The following CREBBP variants were observed in gnomAD, a reference collection of about 807,000 sequenced individuals.
The protein encoded by CREBBP is CREB binding lysine acetyltransferase, also known as CREB-binding protein.
In CREBBP, 19 loss-of-function variants were observed where a neutral mutation model predicts 265.0. That is an observed-to-expected ratio of 0.07 (90% CI 0.05 to 0.11). The LOEUF is 0.11. Among genes scored for constraint, CREBBP ranks in the 10% least tolerant of loss-of-function variants. The pLI is 1.00. For missense variants in CREBBP, 2,525 were observed against 3,219.0 expected (o/e 0.78, Z 5.22); for synonymous variants, 1,457 against 1,223.7 (o/e 1.19, Z -3.98).
At chr16:3,861,278 A>T (rs1458796887) in intron 1 of CREBBP, among the ~76,000 whole-genome samples, 1 of 152,220 alleles carries the variant, frequency 6.6e-6, no homozygotes, top group Non-Finnish European at 1.5e-5. Flanking sequence ...CCAAAAAAAT[A>T]AATAAATAAA....
intron 17 of CREBBP, among the ~76,000 whole-genome samples, 179 bp downstream of exon 17, chr16:3,758,675 G>A (rs1384327516): frequency 6.6e-6 from 1 of 152,150 alleles, no homozygotes; most frequent in Non-Finnish European, 1.5e-5. Context: ...TTCATGAACA[G>A]GTGAAATCAA....
At chr16:3,776,446 T>C (rs369894261) in intron 11 of CREBBP, among the ~76,000 whole-genome samples, 1 of 152,152 alleles carries the variant, frequency 6.6e-6, no homozygotes, top group Non-Finnish European at 1.5e-5. Context: ...TTCAAGGTTG[T>C]TGAGACAGCT....
chr16:3,772,294 A>T (rs888689065), intron 13 of CREBBP, among the ~76,000 whole-genome samples: 1 of 147,120 alleles, frequency 6.8e-6, no homozygotes, highest in African/African-American at 2.6e-5. Context: ...CTTAACAATT[A>T]AAAATTTAAA....
In CREBBP at chr16:3,728,064, G is replaced by C. The variant is rs1567259787; in HGVS notation, c.6983C>G (p.Ser2328Trp). Residue 2328 changes from serine (S) to tryptophan (W), a missense_variant, in exon 31 of 31, where the codon TCG (serine) becomes TGG (tryptophan). Physicochemically the swap from Ser to Trp is radical, Grantham distance 177. This residue lies in a region of CREBBP where 473 missense variants were observed against 459.3 expected (regional missense o/e 1.03). Transcript: ENST00000262367. The surrounding 1 kb of genome is among the most constrained non-coding windows in gnomAD (Gnocchi z 8.7). ...GGCGATCTGCTGGCCAGGGAGATGC[G>C]AGGCCTGTGGCTGTCCTGAGAGCAT... is the stretch of plus-strand genomic sequence containing the variant. ...QHMLSGQPQA[S>W]HLPGQQIATS... The C allele has an allele frequency of 6.2e-7, 1 of 1,613,808 alleles. No homozygotes were observed. Among genetic ancestry groups the C allele is most frequent in the Non-Finnish European group, 8.5e-7 (1 of 1,179,734 alleles).
intron 18 of CREBBP, among the ~76,000 whole-genome samples, chr16:3,757,608 T>C (rs1473889089): frequency 6.6e-6 from 1 of 152,118 alleles, no homozygotes; most frequent in Non-Finnish European, 1.5e-5. Context: ...CCAGAAACGC[T>C]TCCCCATGGC....
chr16:3,772,787 A>C (rs1380970974), intron 13 of CREBBP, among the ~76,000 whole-genome samples: 1 of 151,880 alleles, frequency 6.6e-6, no homozygotes, highest in African/African-American at 2.4e-5. Context: ...ACTCAAAACA[A>C]GGCTGGGTAC....
chr16:3,834,991 T>G (rs1030309721), intron 2 of CREBBP, among the ~76,000 whole-genome samples: 1 of 152,070 alleles, frequency 6.6e-6, no homozygotes, highest in East Asian at 1.9e-4. Flanking sequence ...ACCCCGTCTC[T>G]AGTAAAAATA....
At chr16:3,861,487 T>C (rs535535841) in intron 1 of CREBBP, among the ~76,000 whole-genome samples, 2 of 152,046 alleles carry the variant, frequency 1.3e-5, no homozygotes, top group Non-Finnish European at 2.9e-5. Flanking sequence ...CACTCCAGGG[T>C]TGGTACAGAG....
intron 19 of CREBBP, among the ~76,000 whole-genome samples, chr16:3,756,301 G>C (rs2052584643): frequency 6.6e-6 from 1 of 152,218 alleles, no homozygotes; most frequent in Non-Finnish European, 1.5e-5. Flanking sequence ...GTTTGAGCAA[G>C]ATTCCTGACC....
chr16:3,818,614 G>A (rs989427587), intron 2 of CREBBP, among the ~76,000 whole-genome samples: 2 of 152,050 alleles, frequency 1.3e-5, no homozygotes, highest in African/African-American at 2.4e-5. Flanking sequence ...GTGAGCCACC[G>A]CACCTGGCCT....
intron 3 of CREBBP, among the ~76,000 whole-genome samples, chr16:3,810,262 C>T (rs1016095197): frequency 2.0e-5 from 3 of 152,146 alleles, no homozygotes; most frequent in African/African-American, 7.2e-5. Flanking sequence ...CTACTGACAT[C>T]ATCAAGCCAC....
At position 3,728,411 on chromosome 16, in the gene CREBBP, CTGT is replaced by C. The variant is rs1555470928; in HGVS notation, c.6633_6635del (p.Gln2216del). 1.2e-6 allele frequency: 2 copies of C among 1,613,164 alleles called. No homozygotes were observed. Among genetic ancestry groups the C allele is most frequent in the African/African-American group, 1.3e-5 (1 of 74,920 alleles). ...TGCCGGCACTCCCTTGCTGCTGCTG[CTGT>C]TGCTGCTGTTGTTGCTGCTGCTGTT... On this transcript the variant is annotated inframe_deletion, in exon 31 of 31. Transcript: ENST00000262367. This position sits in a 1 kb window ranked among gnomAD's most constrained non-coding sequence, Gnocchi z 8.7.
In CREBBP at chr16:3,731,858, G is replaced by C. The variant is rs765976832; in HGVS notation, c.4808C>G (p.Ala1603Gly). The C allele has an allele frequency of 3.7e-6, 6 of 1,614,242 alleles. No homozygotes were observed. The highest frequency in any genetic ancestry group is 5.1e-6 in the Non-Finnish European group (6 of 1,180,040). ...GGGCATGCTGGGCTTCTTCTTGTTG[G>C]CGCGGCTGATGCTGCTTTTGTTCTT... is the stretch of plus-strand genomic sequence containing the variant. ...TNKNKSSISR[A>G]NKKKPSMPNV... The change falls in exon 29 of 31, where the codon GCC (alanine) becomes GGC (glycine). Residue 1603 changes from alanine (A) to glycine (G), a missense_variant. Transcript: ENST00000262367. This position sits in a 1 kb window ranked among gnomAD's most constrained non-coding sequence, Gnocchi z 7.7.
intron 2 of CREBBP, chr16:3,813,095 C>A (rs1015362672): frequency 8.7e-6 from 2 of 230,342 alleles, no homozygotes; most frequent in South Asian, 3.6e-4. Flanking sequence ...CAACACTCAA[C>A]ACAACTGGCC....
In CREBBP at chr16:3,759,588, C is replaced by CAAAAAAAAAA. The variant is rs879293877; in HGVS notation, c.3251-626_3251-617dup. Among the ~76,000 whole-genome samples, 14 of 129,494 alleles carry CAAAAAAAAAA rather than the reference C, an allele frequency of 1.1e-4. 1 individual carries two copies. Among genetic ancestry groups the CAAAAAAAAAA allele is most frequent in the African/African-American group, 5.1e-4 (14 of 27,282 alleles). 85.0% of individuals were successfully genotyped at this position (129,494 alleles called of 152,430 possible). Reference sequence around the variant, plus strand: ...GACAACAAGAGCAAAACTCTGTCTCCAAAAAAAAAAGACCATTTCATTGGA... The same window carrying CAAAAAAAAAA: ...GACAACAAGAGCAAAACTCTGTCTCCAAAAAAAAAAAAAAAAAAAAGACCATTTCATTGGA... On this transcript the variant is annotated intron_variant, in intron 16 of 30. Transcript: ENST00000262367.
At position 3,852,057 on chromosome 16, in the gene CREBBP, A is replaced by C. The variant is rs1277811670; in HGVS notation, c.86-1048T>G. On this transcript the variant is annotated intron_variant, in intron 1 of 30. Transcript: ENST00000262367. ...TCTCAAAAAAAAAAAAAAAAAAAAA[A>C]AAAAAAAAAAAAAAAAAAGAATGTA... 1.2e-4 allele frequency among the ~76,000 whole-genome samples: 17 copies of C among 139,446 alleles called. No homozygotes were observed. The East Asian group carries it at 2.4e-3, about 20-fold the overall frequency. 91.5% of individuals were successfully genotyped at this position (139,446 alleles called of 152,430 possible). A position where few individuals can be genotyped will look rare whatever the true frequency, so the allele number is the denominator to read the frequency against.
intron 6 of CREBBP, 102 bp from the exon 7 acceptor site, chr16:3,781,408 G>C: frequency 1.1e-6 from 1 of 941,974 alleles, no homozygotes; most frequent in South Asian, 1.4e-5. Flanking sequence ...ACAATTGGTG[G>C]TTATTTAAAT....
intron 20 of CREBBP, among the ~76,000 whole-genome samples, chr16:3,750,492 G>C (rs759536005): frequency 5.9e-5 from 9 of 152,156 alleles, no homozygotes; most frequent in Non-Finnish European, 1.2e-4. Flanking sequence ...AAGAGGGAAC[G>C]GCAGACCTGG....
intron 26 of CREBBP, 103 bp from the exon 27 acceptor site, chr16:3,736,918 T>G (rs111900870): frequency 7.2e-6 from 10 of 1,391,296 alleles, no homozygotes; most frequent in African/African-American, 5.7e-5. Flanking sequence ...AGGACAGAAG[T>G]AACCAGAGAG....
Sources: gnomAD v4.1 joint callset for allele counts (sites outside exome capture counted in the v4.1 genomes callset) on GRCh38, gnomAD v4.1.1 for gene constraint, gnomAD v4.1.1 regional missense constraint, Gnocchi (gnomAD v3.1) non-coding constraint, MANE v1.5 for transcripts, NCBI Gene and HGNC (gene_info 2026-07-23, HGNC 2026-07-21) for gene names.